Variants in REPS1 observed in about 807,000 individuals in gnomAD.
REPS1 encodes the protein ralBP1-associated Eps domain-containing protein 1.
Under a neutral mutation model 100.9 loss-of-function variants are expected in REPS1, and 39 were observed. That is an observed-to-expected ratio of 0.39 (90% CI 0.30 to 0.50). REPS1 has a LOEUF of 0.50. Ranked by LOEUF, REPS1 falls within the 20% of genes least tolerant of loss-of-function variation. REPS1 has a pLI of 0.86. For missense variants in REPS1, 821 were observed against 968.5 expected, an observed-to-expected ratio of 0.85 and a Z score of 2.02; for synonymous variants, 324 against 340.3, an observed-to-expected ratio of 0.95 and a Z score of 0.53.
chr6:138,926,257 T>C, intron 10 of REPS1, 144 bp downstream of exon 10: 1 of 566,842 alleles, frequency 1.8e-6, no homozygotes, highest in Admixed American at 3.3e-5. Context: ...TTTCCCACCA[T>C]TAAGCACACA....
intron 1 of REPS1, among the ~76,000 whole-genome samples, chr6:138,982,004 T>C (rs3924557): frequency 0.15 from 23,479 of 152,180 alleles, 2,112 homozygotes; most frequent in East Asian, 0.34. Context: ...CAGAAACACA[T>C]TGACTGTGAC....
chr6:138,906,493 TA>T (rs1779660687), intron 19 of REPS1, among the ~76,000 whole-genome samples: 1 of 152,210 alleles, frequency 6.6e-6, no homozygotes, highest in Non-Finnish European at 1.5e-5. Context: ...TTGGATGGTA[TA>T]TTACGTGGTC....
At chr6:138,972,238 T>C (rs932958785) in intron 1 of REPS1, among the ~76,000 whole-genome samples, 1 of 152,108 alleles carries the variant, frequency 6.6e-6, no homozygotes, top group Admixed American at 6.5e-5. Context: ...GGGGGCGGAA[T>C]AAGCACGAAA....
intron 19 of REPS1, among the ~76,000 whole-genome samples, chr6:138,905,538 G>A (rs1479784744): frequency 1.3e-5 from 2 of 151,564 alleles, no homozygotes; most frequent in South Asian, 2.1e-4. Flanking sequence ...TGATCCACCC[G>A]CCTCGGCCTC....
rs745726685 is a variant in REPS1 at position 138,908,752 on chromosome 6, T to A, written c.2132A>T (p.Asp711Val). ...KPVRRRLKSE[D>V]ELRPEVDEHT... ...TTCATCAACTTCTGGCCTTAATTCA[T>A]CTTCTGATTTTAATCTTCTTCGAAC... The change falls in exon 18 of 20, where the codon GAT becomes GTT. Residue 711 changes from aspartate to valine, a missense_variant. By Grantham distance (152) the Asp-to-Val change is radical. Around this residue, in one of 3 missense-constraint regions of REPS1, gnomAD observed 757 missense variants for 866.4 expected, o/e 0.87. Transcript: ENST00000450536. The A allele has an allele frequency of 1.2e-6, 2 of 1,614,176 alleles. No homozygotes were observed. The highest frequency in any genetic ancestry group is 1.7e-6 in the Non-Finnish European group (2 of 1,179,998).
intron 10 of REPS1, among the ~76,000 whole-genome samples, chr6:138,923,139 T>TATA (rs563403063): frequency 4.9e-4 from 75 of 152,316 alleles, no homozygotes; most frequent in African/African-American, 1.7e-3. Context: ...AGATTTGTCT[T>TATA]ATAATAATAA....
intron 4 of REPS1, 88 bp downstream of exon 4, chr6:138,945,131 G>T: frequency 8.4e-7 from 1 of 1,188,222 alleles, no homozygotes; most frequent in Non-Finnish European, 1.2e-6. Context: ...CTACTCAGGA[G>T]GCTGAGGCAG....
intron 1 of REPS1, among the ~76,000 whole-genome samples, chr6:138,964,151 C>A (rs1161865537): frequency 6.6e-6 from 1 of 152,114 alleles, no homozygotes; most frequent in East Asian, 1.9e-4. Flanking sequence ...GACCACATTG[C>A]TTCTTTCCTA....
At chr6:138,948,732 T>C (rs73561199) in intron 1 of REPS1, among the ~76,000 whole-genome samples, 1 of 152,076 alleles carries the variant, frequency 6.6e-6, no homozygotes, top group South Asian at 2.1e-4. Flanking sequence ...ACACAAACTT[T>C]TGTATAGAGA....
At chr6:138,970,123 G>A (rs1784257295) in intron 1 of REPS1, among the ~76,000 whole-genome samples, 1 of 152,022 alleles carries the variant, frequency 6.6e-6, no homozygotes, top group Non-Finnish European at 1.5e-5. Flanking sequence ...TCACAGAAAA[G>A]CTTAAGATTT....
intron 4 of REPS1, 124 bp from the exon 5 acceptor site, chr6:138,944,746 A>G: frequency 6.2e-6 from 5 of 806,612 alleles, no homozygotes; most frequent in Non-Finnish European, 9.6e-6. Flanking sequence ...TTTCTGTTCT[A>G]TTAGAAATTA....
intron 17 of REPS1, 98 bp from the exon 18 acceptor site, chr6:138,908,914 G>T: frequency 1.8e-6 from 2 of 1,124,720 alleles, no homozygotes; most frequent in Middle Eastern, 2.2e-4. Context: ...ATTTGCTCTT[G>T]GAAAATTGAA....
intron 7 of REPS1, 51 bp downstream of exon 7, chr6:138,943,461 GA>G: frequency 1.8e-6 from 2 of 1,122,622 alleles, no homozygotes; most frequent in Non-Finnish European, 2.7e-6. Flanking sequence ...CTATCTGCTA[GA>G]AACTCCTTGG....
rs1352434782 is a variant in REPS1, at chr6:138,960,899, G to A, written c.154-12986C>T. ...AAGTCATTAAGTATTGGGAAGTATC[G>A]CACATGGTAGCAGATAAAAGTTCTT... is the stretch of plus-strand genomic sequence containing the variant. On this transcript the variant is annotated intron_variant, in intron 1 of 19. Coordinates refer to ENST00000450536, the MANE Select transcript of REPS1 (RefSeq NM_001286611.2). Among the ~76,000 whole-genome samples, 3 of 151,998 alleles carry A rather than the reference G, an allele frequency of 2.0e-5. No homozygotes were observed. In the South Asian group the frequency reaches 6.2e-4, roughly 32 times the overall value.
At chr6:138,958,704 T>C (rs982395340) in intron 1 of REPS1, among the ~76,000 whole-genome samples, 25 of 152,236 alleles carry the variant, frequency 1.6e-4, no homozygotes, top group African/African-American at 5.8e-4. Context: ...TTTCACATAA[T>C]GGAATAACAC....
chr6:138,920,233 C>T lies in REPS1; in HGVS notation c.1510G>A (p.Ala504Thr), dbSNP rs371133360. The change falls in exon 12 of 20, where the codon GCT becomes ACT. Residue 504 changes from alanine (A) to threonine (T), a missense_variant. Physicochemically the swap from Ala to Thr is moderately conservative, Grantham distance 58 (BLOSUM62 0). Around this residue, in one of 3 missense-constraint regions of REPS1, gnomAD observed 757 missense variants for 866.4 expected, o/e 0.87. Transcript: ENST00000450536. ...ENKINSSVKF[A>T]SGNTVADGYS... ...CACTTACCTACAGTATTACCAGAAGCGAATTTCACCGATGAATTTATCTTA... is the reference window on the plus strand; with the variant it reads ...CACTTACCTACAGTATTACCAGAAGTGAATTTCACCGATGAATTTATCTTA... 10 of 1,576,106 alleles carry T rather than the reference C, an allele frequency of 6.3e-6. No homozygotes were observed. The highest frequency in any genetic ancestry group is 1.7e-4 in the Middle Eastern group (1 of 5,982).
chr6:138,945,383 A>G lies in REPS1; in HGVS notation c.475-11T>C, dbSNP rs767335721. 3.2e-5 allele frequency: 51 copies of G among 1,591,092 alleles called. No homozygotes were observed. Among genetic ancestry groups the G allele is most frequent in the Non-Finnish European group, 4.1e-5 (48 of 1,172,800 alleles). On this transcript the variant is annotated splice_polypyrimidine_tract_variant and intron_variant, in intron 3 of 19. Coordinates refer to ENST00000450536, the MANE Select transcript of REPS1 (RefSeq NM_001286611.2). ...TGGGGATGCAGGTTCCTAGAAAAGA[A>G]TATTATTTTAAAATTTTAACTTTAA...
In REPS1 at chr6:138,942,064, C is replaced by T. The variant is rs143115466; in HGVS notation, c.981-575G>A. ...TGGCTAATTTTGGCCAGGCTGGTCT[C>T]GAACTCCTGACCTCATGTGATCCAC... On this transcript the variant is annotated intron_variant, in intron 7 of 19. Transcript: ENST00000450536. Among the ~76,000 whole-genome samples, 61 of 151,958 alleles carry T rather than the reference C, an allele frequency of 4.0e-4. No individual in the cohort carries two copies. In the East Asian group the frequency reaches 1.0e-2, roughly 25 times the overall value.
At chr6:138,920,478 CTGTT>C (rs1287436572) in intron 11 of REPS1, among the ~76,000 whole-genome samples, 162 bp from the exon 12 acceptor site, 1 of 151,962 alleles carries the variant, frequency 6.6e-6, no homozygotes, top group African/African-American at 2.4e-5. Context: ...AAATGTAAAA[CTGTT>C]TATTTATAAT....
Sources: allele counts gnomAD v4.1 joint callset (sites outside exome capture counted in the v4.1 genomes callset), GRCh38; gene constraint gnomAD v4.1.1; regional missense constraint gnomAD v4.1.1; transcripts MANE v1.5; gene names NCBI Gene and HGNC (gene_info 2026-07-23, HGNC 2026-07-21).